Variants in OGDH observed in about 807,000 individuals in gnomAD.
OGDH encodes the protein oxoglutarate dehydrogenase.
A neutral mutation model predicts 116.6 loss-of-function variants in OGDH; 38 were observed. That is an observed-to-expected ratio of 0.33 (90% CI 0.25 to 0.43). The LOEUF (loss-of-function observed/expected upper bound fraction) is 0.43, where lower values mean the gene tolerates loss of function less well. Among genes scored for constraint, OGDH ranks in the 20% least tolerant of loss-of-function variants. The pLI, the probability that OGDH is intolerant of heterozygous loss-of-function variation, is 1.00. For missense variants in OGDH, 825 were observed against 1,357.2 expected (o/e 0.61, Z 6.16); for synonymous variants, 488 against 533.3 (o/e 0.92, Z 1.17).
chr7:44,658,298 CAT>C (rs1306352839), intron 4 of OGDH, among the ~76,000 whole-genome samples: 3 of 152,082 alleles, frequency 2.0e-5, no homozygotes, highest in African/African-American at 7.2e-5. Context: ...TAGTTTTCAG[CAT>C]ATACATTGTG....
Position 44,707,744 on chromosome 7 carries a change from T to A in OGDH, c.2951+8T>A. 6.2e-7 allele frequency: 1 copy of A among 1,614,104 alleles called. No homozygotes were observed. Among genetic ancestry groups the A allele is most frequent in the Non-Finnish European group, 8.5e-7 (1 of 1,180,010 alleles). On this transcript the variant is annotated splice_region_variant and intron_variant, in intron 22 of 22. Coordinates refer to ENST00000222673, the MANE Select transcript of OGDH (RefSeq NM_002541.4). The surrounding 1 kb of genome is among the most constrained non-coding windows in gnomAD (Gnocchi z 5.2). ...CCGCGCCAAGCCCGTCTGGTAAGGC[T>A]TCAGTCCCTGCCAGGAAGGCTGTGG... is the stretch of plus-strand genomic sequence containing the variant.
intron 10 of OGDH, among the ~76,000 whole-genome samples, chr7:44,687,175 G>A (rs1788169472): frequency 7.4e-6 from 1 of 135,334 alleles, no homozygotes; most frequent in Non-Finnish European, 1.5e-5. Context: ...TTGGCTCACT[G>A]CAACCTCCAC....
chr7:44,612,104 T>G (rs1173741395), intron 1 of OGDH, among the ~76,000 whole-genome samples: 1 of 152,142 alleles, frequency 6.6e-6, no homozygotes, highest in Non-Finnish European at 1.5e-5. Context: ...TTGGTTTTTG[T>G]GGGGGGTTTT....
chr7:44,687,820 T>G (rs1788197893), intron 10 of OGDH, among the ~76,000 whole-genome samples: 1 of 152,090 alleles, frequency 6.6e-6, no homozygotes, highest in African/African-American at 2.4e-5. Flanking sequence ...ATTAAGTGGT[T>G]TTTAGTATAT....
chr7:44,674,337 G>T (rs879383225), intron 6 of OGDH, 74 bp from the exon 7 acceptor site: 5 of 1,585,976 alleles, frequency 3.2e-6, no homozygotes, highest in African/African-American at 2.7e-5. Flanking sequence ...GAGCCTCCAT[G>T]CCTGGCCAGA....
At chr7:44,679,487 T>C (rs1318773241) in intron 9 of OGDH, among the ~76,000 whole-genome samples, 1 of 152,142 alleles carries the variant, frequency 6.6e-6, no homozygotes, top group African/African-American at 2.4e-5. Flanking sequence ...GACACACAAA[T>C]CATGGGTCTT....
intron 4 of OGDH, among the ~76,000 whole-genome samples, chr7:44,654,259 G>A (rs966950126): frequency 2.0e-5 from 3 of 152,204 alleles, no homozygotes; most frequent in African/African-American, 7.2e-5. Context: ...ATTTACCATT[G>A]ATGTTTACAA....
rs566148436 is a variant in OGDH, at chr7:44,684,233, T to C, written c.1335+2385T>C. 1.1e-3 allele frequency among the ~76,000 whole-genome samples: 165 copies of C among 152,192 alleles called. 6 individuals carry two copies. In the South Asian group the frequency reaches 0.017, roughly 16 times the overall value. ...CGCCTGAGGAAAGCTCCCAATGGCATTGGGAGGCCATTGGAGAGACTGACG... is the reference window on the plus strand; with the variant it reads ...CGCCTGAGGAAAGCTCCCAATGGCACTGGGAGGCCATTGGAGAGACTGACG... On this transcript the variant is annotated intron_variant, in intron 10 of 22. Transcript: ENST00000222673.
At chr7:44,705,701 A>T (rs1789040118) in intron 20 of OGDH, among the ~76,000 whole-genome samples, 1 of 152,042 alleles carries the variant, frequency 6.6e-6, no homozygotes, top group Non-Finnish European at 1.5e-5. Flanking sequence ...CTGTGCCCAG[A>T]CTTTTATTCT....
At position 44,704,838 on chromosome 7, in the gene OGDH, G is replaced by A. The variant is rs112766634; in HGVS notation, c.2633-2387G>A. Reference sequence around the variant, plus strand: ...TGATTCTCCTGCCTCAGCCTCCCAAGTAGCTGGGATTACAGGCGCACGCCA... The same window carrying A: ...TGATTCTCCTGCCTCAGCCTCCCAAATAGCTGGGATTACAGGCGCACGCCA... On this transcript the variant is annotated intron_variant, in intron 20 of 22. Transcript: ENST00000222673. Among the ~76,000 whole-genome samples, 233 of 151,698 alleles carry A rather than the reference G, an allele frequency of 1.5e-3. 2 individuals carry two copies. The highest frequency in any genetic ancestry group is 5.4e-3 in the African/African-American group (224 of 41,288).
At chr7:44,698,108 C>T (rs1788665584) in intron 17 of OGDH, 84 bp from the exon 18 acceptor site, 3 of 1,429,766 alleles carry the variant, frequency 2.1e-6, no homozygotes, top group Non-Finnish European at 2.9e-6. Context: ...CAGAAATGAG[C>T]TAGTTGGTTG....
At chr7:44,693,306 CAAA>C (rs761078863) in intron 10 of OGDH, among the ~76,000 whole-genome samples, 1 of 119,562 alleles carries the variant, frequency 8.4e-6, no homozygotes, top group African/African-American at 3.1e-5. Context: ...GACTTCGTCT[CAAA>C]AAAAAAAAAA....
chr7:44,647,492 G>T (rs371660650), intron 3 of OGDH, 165 bp from the exon 4 acceptor site: 3 of 1,540,044 alleles, frequency 1.9e-6, no homozygotes, highest in Non-Finnish European at 2.6e-6. Flanking sequence ...AATTAGTTGT[G>T]TAAATTTTGA....
chr7:44,688,328 G>A lies in OGDH; in HGVS notation c.1336-5497G>A, dbSNP rs578013517. ...GGAGATTGCGGTGAGCCGAGATCAC[G>A]CCATTGCACCACAGCCTGGGTGACA... On this transcript the variant is annotated intron_variant, in intron 10 of 22. Coordinates refer to ENST00000222673, the MANE Select transcript of OGDH (RefSeq NM_002541.4). Among the ~76,000 whole-genome samples the A allele has an allele frequency of 1.2e-3, 189 of 151,440 alleles. 1 individual carries two copies. The highest frequency in any genetic ancestry group is 4.4e-3 in the African/African-American group (181 of 41,332).
chr7:44,684,611 A>G (rs1788057479), intron 10 of OGDH, among the ~76,000 whole-genome samples: 1 of 152,106 alleles, frequency 6.6e-6, no homozygotes, highest in Non-Finnish European at 1.5e-5. Flanking sequence ...TACTATTCCC[A>G]TTTTACAGAA....
intron 1 of OGDH, among the ~76,000 whole-genome samples, chr7:44,614,538 GTC>G (rs536297469): frequency 5.3e-4 from 80 of 151,924 alleles, no homozygotes; most frequent in African/African-American, 1.9e-3. Flanking sequence ...GCCTTGTTCT[GTC>G]TTCAAGTTCA....
chr7:44,639,148 C>T (rs1037774463), intron 2 of OGDH, among the ~76,000 whole-genome samples: 3 of 152,114 alleles, frequency 2.0e-5, no homozygotes, highest in Non-Finnish European at 4.4e-5. Flanking sequence ...CTGCAGGTCC[C>T]CTGGAACCTA....
At position 44,681,777 on chromosome 7, in the gene OGDH, G is replaced by A; in HGVS notation, c.1264G>A (p.Glu422Lys). ...AAFAGQGIVYETFHLSDLPSY... is the reference protein window; with the variant it reads ...AAFAGQGIVYKTFHLSDLPSY... Reference sequence around the variant, plus strand: ...ATTTGCTGGCCAGGGCATTGTGTACGAGACCTTCCACCTCAGCGACCTGCC... The same window carrying A: ...ATTTGCTGGCCAGGGCATTGTGTACAAGACCTTCCACCTCAGCGACCTGCC... The change falls in exon 10 of 23, where the codon GAG becomes AAG. Residue 422 changes from glutamate to lysine, a missense_variant. By Grantham distance (56) the Glu-to-Lys change is moderately conservative. Around this residue, in one of 7 missense-constraint regions of OGDH, gnomAD observed 146 missense variants for 317.3 expected, o/e 0.46. Transcript: ENST00000222673. 1.2e-6 allele frequency: 2 copies of A among 1,614,052 alleles called. No homozygotes were observed. The highest frequency in any genetic ancestry group is 1.7e-6 in the Non-Finnish European group (2 of 1,180,006).
chr7:44,645,998 C>A (rs1003213522), intron 3 of OGDH, among the ~76,000 whole-genome samples: 1 of 152,124 alleles, frequency 6.6e-6, no homozygotes, highest in Non-Finnish European at 1.5e-5. Context: ...ACAGCTGAGC[C>A]TACAGAGAGT....
Sources: allele counts gnomAD v4.1 joint callset (sites outside exome capture counted in the v4.1 genomes callset), GRCh38; gene constraint gnomAD v4.1.1; regional missense constraint gnomAD v4.1.1; non-coding constraint Gnocchi (gnomAD v3.1); transcripts MANE v1.5; gene names NCBI Gene and HGNC (gene_info 2026-07-23, HGNC 2026-07-21).